BPIFB2: variants seen among roughly 807,000 people sequenced by gnomAD.
The protein encoded by BPIFB2 is BPI fold containing family B member 2.
Under a neutral mutation model 50.1 loss-of-function variants are expected in BPIFB2, and 39 were observed. The observed-to-expected ratio is 0.78, with a 90% confidence interval of 0.60 to 1.02. BPIFB2 has a LOEUF of 1.02. BPIFB2 is among the 50% of genes least tolerant of loss of function. The pLI, the probability that BPIFB2 is intolerant of heterozygous loss-of-function variation, is 0.00. For missense variants in BPIFB2, 574 were observed against 585.8 expected, an observed-to-expected ratio of 0.98 and a Z score of 0.21; for synonymous variants, 280 against 256.3, an observed-to-expected ratio of 1.09 and a Z score of -0.88.
chr20:33,021,475 C>A, intron 14 of BPIFB2, 131 bp downstream of exon 14: 2 of 1,094,148 alleles, frequency 1.8e-6, no homozygotes, highest in African/African-American at 1.6e-5. Flanking sequence ...TGGAGTCTAG[C>A]AGCCCATGTG....
chr20:33,017,261 G>T (rs17124001), intron 7 of BPIFB2, among the ~76,000 whole-genome samples, 159 bp downstream of exon 7: 8,324 of 152,278 alleles, frequency 0.055, 571 homozygotes, highest in African/African-American at 0.17. Flanking sequence ...AATTATTCAT[G>T]AAATCTGGGA....
At chr20:33,010,951 T>C in intron 2 of BPIFB2, 73 bp from the exon 3 acceptor site, 6 of 1,292,490 alleles carry the variant, frequency 4.6e-6, no homozygotes, top group Non-Finnish European at 6.7e-6. Flanking sequence ...GCAGGGTAGA[T>C]GGCAGGCAGT....
At chr20:33,008,724 C>A in intron 2 of BPIFB2, 41 bp downstream of exon 2, 3 of 1,480,828 alleles carry the variant, frequency 2.0e-6, no homozygotes, top group Non-Finnish European at 2.8e-6. Flanking sequence ...TGAGCCTGTA[C>A]ATGCGTGTGC....
rs1007284986 is a variant in BPIFB2 at position 33,009,461 on chromosome 20, C to T, written c.109+778C>T. Among the ~76,000 whole-genome samples, 1 of 152,210 alleles carries T rather than the reference C, an allele frequency of 6.6e-6. No homozygotes were observed. ...AGCCAGGAGATCAGAAGCGGTTTCC[C>T]CCAAGGCCAAACTCAGATTACAGTG... is the stretch of plus-strand genomic sequence containing the variant. On this transcript the variant is annotated intron_variant, in intron 2 of 15. Transcript: ENST00000170150. This position sits in a 1 kb window ranked among gnomAD's most constrained non-coding sequence, Gnocchi z 4.2.
intron 6 of BPIFB2, among the ~76,000 whole-genome samples, chr20:33,015,776 T>G (rs1215163330): frequency 6.6e-6 from 1 of 150,652 alleles, no homozygotes; most frequent in Non-Finnish European, 1.5e-5. Context: ...GTGGATGGAG[T>G]GGGGTTCATG....
Position 33,018,965 on chromosome 20 carries a change from G to A in BPIFB2, c.856-97G>A, listed in dbSNP as rs940269196. On this transcript the variant is annotated intron_variant, in intron 9 of 15. Transcript: ENST00000170150. ...AGGGTGGCTGTTGGAAGGGTTAAAC[G>A]GGGGCTATGGGGAGCGATTGCTCAG... 77 of 1,583,836 alleles carry A rather than the reference G, an allele frequency of 4.9e-5. No individual in the cohort carries two copies. In the African/African-American group the frequency reaches 5.9e-4, roughly 12 times the overall value.
intron 10 of BPIFB2, 151 bp from the exon 11 acceptor site, chr20:33,019,429 A>T (rs1027927617): frequency 2.2e-6 from 2 of 923,056 alleles, no homozygotes; most frequent in Middle Eastern, 3.4e-4. Context: ...AGCGGCCTGT[A>T]AGACCCACTG....
intron 7 of BPIFB2, among the ~76,000 whole-genome samples, chr20:33,017,347 C>T (rs775528808): frequency 3.3e-5 from 5 of 152,206 alleles, no homozygotes; most frequent in Non-Finnish European, 7.4e-5. Flanking sequence ...ATCTGAAAAA[C>T]AAAATACAAT....
chr20:33,016,768 C>T (rs528440398), intron 6 of BPIFB2, among the ~76,000 whole-genome samples: 1 of 152,368 alleles, frequency 6.6e-6, no homozygotes, highest in Admixed American at 6.5e-5. Flanking sequence ...CAGCTACGAC[C>T]ACCTGGGCTG....
chr20:33,013,373 C>T (rs1568976826), intron 4 of BPIFB2, among the ~76,000 whole-genome samples: 3 of 152,194 alleles, frequency 2.0e-5, no homozygotes, highest in Admixed American at 2.0e-4. Flanking sequence ...GGTCTCTTAT[C>T]TAGCTTCTCT....
intron 11 of BPIFB2, 34 bp downstream of exon 11, chr20:33,019,784 A>C: frequency 6.5e-7 from 1 of 1,550,176 alleles, no homozygotes; most frequent in South Asian, 1.2e-5. Context: ...AAGGCAGGCA[A>C]CTGTCACAGA....
rs186161203 is a variant in BPIFB2, at chr20:33,009,410, C to T, written c.109+727C>T. Among the ~76,000 whole-genome samples, 1 of 152,280 alleles carries T rather than the reference C, an allele frequency of 6.6e-6. No homozygotes were observed. Among genetic ancestry groups the T allele is most frequent in the African/African-American group, 2.4e-5 (1 of 41,550 alleles). On this transcript the variant is annotated intron_variant, in intron 2 of 15. Coordinates refer to ENST00000170150, the MANE Select transcript of BPIFB2 (RefSeq NM_025227.3). This position sits in a 1 kb window ranked among gnomAD's most constrained non-coding sequence, Gnocchi z 4.2. The stretch of plus-strand genomic sequence containing the variant: ...ATGTTTATTCACCTCGAGTTGCCTC[C>T]CGGTGAGAATTTGGTTTCCCACCAA...
intron 6 of BPIFB2, among the ~76,000 whole-genome samples, chr20:33,016,580 G>GC (rs1384485334): frequency 6.6e-6 from 1 of 152,194 alleles, no homozygotes; most frequent in Non-Finnish European, 1.5e-5. Flanking sequence ...TTCTCTGGCT[G>GC]CCCATGGTGC....
chr20:33,010,358 C>T (rs1990269043), intron 2 of BPIFB2, among the ~76,000 whole-genome samples: 1 of 152,204 alleles, frequency 6.6e-6, no homozygotes, highest in Non-Finnish European at 1.5e-5. Context: ...AGGATCACAA[C>T]ATAAACGATT....
intron 5 of BPIFB2, among the ~76,000 whole-genome samples, chr20:33,015,067 A>T (rs149540656): frequency 6.6e-6 from 1 of 152,220 alleles, no homozygotes; most frequent in Non-Finnish European, 1.5e-5. Flanking sequence ...GACCCAAAGC[A>T]TGAAGCAGAC....
Position 33,008,689 on chromosome 20 carries a change from C to T in BPIFB2, c.109+6C>T, listed in dbSNP as rs148646155. ...CAAGGCAGCATTGAGCTACGGTAAG[C>T]GGTGTGTTACCCAGTGAGTGTCTGT... is the stretch of plus-strand genomic sequence containing the variant. On this transcript the variant is annotated splice_donor_region_variant and intron_variant, in intron 2 of 15. Transcript: ENST00000170150. 4.3e-4 allele frequency: 688 copies of T among 1,589,908 alleles called. 7 individuals carry two copies. The East Asian group carries it at 0.013, about 29-fold the overall frequency.
At chr20:33,023,193 CT>C in intron 15 of BPIFB2, 148 bp from the exon 16 acceptor site, 1 of 719,440 alleles carries the variant, frequency 1.4e-6, no homozygotes, top group South Asian at 1.7e-5. Flanking sequence ...AAGTGACAGA[CT>C]GGTAAACTGA....
At chr20:33,019,010 CT>C in intron 9 of BPIFB2, 51 bp from the exon 10 acceptor site, 1 of 1,611,602 alleles carries the variant, frequency 6.2e-7, no homozygotes, top group East Asian at 2.2e-5. Context: ...GGTGATCTGT[CT>C]TGGGGAGCAG....
intron 14 of BPIFB2, 29 bp downstream of exon 14, chr20:33,021,373 C>T (rs943606202): frequency 1.3e-6 from 2 of 1,585,978 alleles, no homozygotes; most frequent in Non-Finnish European, 8.6e-7. Context: ...CCCAGCAGGG[C>T]CCCTCTGGCC....
Sources: allele counts gnomAD v4.1 joint callset (sites outside exome capture counted in the v4.1 genomes callset), GRCh38; gene constraint gnomAD v4.1.1; non-coding constraint Gnocchi (gnomAD v3.1); transcripts MANE v1.5; gene names NCBI Gene and HGNC (gene_info 2026-07-23, HGNC 2026-07-21).